Variants in OCA2 observed in about 807,000 individuals in gnomAD.
OCA2 encodes OCA2 melanosomal transmembrane protein.
In OCA2, 77 loss-of-function variants were observed where a neutral mutation model predicts 100.2. That is an observed-to-expected ratio of 0.77 (90% CI 0.64 to 0.93). The LOEUF (loss-of-function observed/expected upper bound fraction) is 0.93. Among genes scored for constraint, OCA2 ranks in the 40% least tolerant of loss-of-function variants. The probability of loss-of-function intolerance (pLI) is 0.00; values close to 1 mark genes in which losing one functional copy is unlikely to be tolerated. For synonymous variants in OCA2, 432 were observed against 439.2 expected (o/e 0.98, Z 0.21); for missense variants, 1,062 against 1,089.1 (o/e 0.98, Z 0.35).
intron 9 of OCA2, among the ~76,000 whole-genome samples, chr15:27,996,820 A>T (rs1001429512): frequency 1.3e-5 from 2 of 152,120 alleles, no homozygotes; most frequent in Admixed American, 6.5e-5. Flanking sequence ...CAACAAAGAA[A>T]GTCTCACCAA....
intron 23 of OCA2, among the ~76,000 whole-genome samples, chr15:27,840,120 AAAAC>A (rs1390233461): frequency 1.3e-5 from 2 of 152,144 alleles, no homozygotes; most frequent in Non-Finnish European, 2.9e-5. Flanking sequence ...TATGGCAAAT[AAAAC>A]AAACAAATAA....
intron 6 of OCA2, 100 bp downstream of exon 6, chr15:28,022,401 T>A: frequency 1.2e-6 from 1 of 849,962 alleles, no homozygotes. Flanking sequence ...TAATGGCCTG[T>A]GCCGTGGCCT....
rs747940630 is a variant in OCA2 at position 28,027,836 on chromosome 15, G to C, written c.515+35C>G. The C allele has an allele frequency of 7.5e-6, 12 of 1,606,696 alleles. No homozygotes were observed. The Admixed American group carries it at 1.7e-4, about 22-fold the overall frequency. On this transcript the variant is annotated intron_variant, in intron 4 of 23. Coordinates refer to ENST00000354638, the MANE Select transcript of OCA2 (RefSeq NM_000275.3). ...ATGTAGGACGCGATGTGCGGCCACC[G>C]CTGCTGCCAGGGTGGGCACCCCAAG...
chr15:27,899,257 A>T (rs560761032), intron 19 of OCA2, among the ~76,000 whole-genome samples: 65 of 152,304 alleles, frequency 4.3e-4, no homozygotes, highest in African/African-American at 1.5e-3. Context: ...CTGACCTCCA[A>T]AAATGTAAAA....
intron 19 of OCA2, among the ~76,000 whole-genome samples, chr15:27,880,067 T>C (rs1284371462): frequency 2.6e-5 from 4 of 152,250 alleles, no homozygotes; most frequent in African/African-American, 9.6e-5. Context: ...ATTTTCTGCA[T>C]GTGGCTGGCC....
At chr15:27,722,186 C>G in the OCA2 span, among the ~76,000 whole-genome samples, 47 of 152,314 alleles carry the variant, frequency 3.1e-4, no homozygotes, top group East Asian at 8.9e-3. Context: ...CTGTATCCGC[C>G]GTACTGGCCT....
At chr15:27,747,815 C>G in the OCA2 span, among the ~76,000 whole-genome samples, 1 of 152,160 alleles carries the variant, frequency 6.6e-6, no homozygotes, top group East Asian at 1.9e-4. Context: ...GAATTTTGAT[C>G]TGGAAAAGAT....
intron 17 of OCA2, 60 bp downstream of exon 17, chr15:27,955,098 T>C: frequency 8.5e-7 from 1 of 1,173,714 alleles, no homozygotes; most frequent in Non-Finnish European, 1.3e-6. Context: ...GGAAAAGGCA[T>C]CACTCACTCT....
At chr15:27,732,779 C>G in the OCA2 span, among the ~76,000 whole-genome samples, 3 of 152,170 alleles carry the variant, frequency 2.0e-5, no homozygotes, top group East Asian at 1.9e-4. Flanking sequence ...CATTTCTCCT[C>G]CCTCAGATGT....
chr15:27,859,319 A>G (rs1208553882), intron 21 of OCA2, among the ~76,000 whole-genome samples: 1 of 152,174 alleles, frequency 6.6e-6, no homozygotes, highest in Non-Finnish European at 1.5e-5. Context: ...AACGACTAAA[A>G]TCAAAAACTA....
At chr15:27,902,607 C>A (rs193213985) in intron 19 of OCA2, among the ~76,000 whole-genome samples, 13 of 152,238 alleles carry the variant, frequency 8.5e-5, no homozygotes, top group African/African-American at 3.1e-4. Context: ...TCCCAGGACA[C>A]GCAGGGGCCT....
chr15:27,895,714 TA>T, intron 19 of OCA2: 2 of 240,262 alleles, frequency 8.3e-6, no homozygotes, highest in Non-Finnish European at 1.7e-5. Context: ...ATGGGGTTTG[TA>T]AAGTTGTTAA....
At chr15:27,763,704 C>T (rs545714728) in intron 23 of OCA2, among the ~76,000 whole-genome samples, 1 of 152,252 alleles carries the variant, frequency 6.6e-6, no homozygotes, top group East Asian at 1.9e-4. Flanking sequence ...CAGGCACCCT[C>T]CTGGGAAGCA....
intron 23 of OCA2, among the ~76,000 whole-genome samples, chr15:27,804,190 C>T (rs2033730513): frequency 6.6e-6 from 1 of 152,134 alleles, no homozygotes; most frequent in South Asian, 2.1e-4. Flanking sequence ...CTGAAAAAAT[C>T]GCTAACAAAC....
In OCA2 at chr15:28,094,759, C is replaced by T. The variant is rs563666765; in HGVS notation, c.-22+4465G>A. The stretch of plus-strand genomic sequence containing the variant: ...CTCCTGCCGCCCCTGCTGCCAGCAC[C>T]GTTCTCTCCGAGGCCCTCAACGCCC... On this transcript the variant is annotated intron_variant, in intron 1 of 23. Transcript: ENST00000354638. Among the ~76,000 whole-genome samples, 147 of 152,314 alleles carry T rather than the reference C, an allele frequency of 9.7e-4. No individual in the cohort carries two copies. In the Middle Eastern group the frequency reaches 0.014, roughly 14 times the overall value.
At chr15:28,060,012 C>T (rs191932424) in intron 2 of OCA2, among the ~76,000 whole-genome samples, 3 of 152,332 alleles carry the variant, frequency 2.0e-5, no homozygotes, top group South Asian at 2.1e-4. Context: ...AGGCTGTGGG[C>T]GAGCACACGC....
intron 17 of OCA2, among the ~76,000 whole-genome samples, chr15:27,954,921 G>C (rs1487201885): frequency 6.6e-6 from 1 of 152,226 alleles, no homozygotes; most frequent in African/African-American, 2.4e-5. Context: ...GCAACGTGCA[G>C]GGACAGGGAA....
intron 9 of OCA2, among the ~76,000 whole-genome samples, chr15:27,994,247 G>A (rs1436156893): frequency 6.6e-6 from 1 of 152,040 alleles, no homozygotes; most frequent in Non-Finnish European, 1.5e-5. Context: ...CGCATGTGAG[G>A]GATCTAGGTT....
chr15:27,908,422 C>T (rs1045960127), intron 19 of OCA2, among the ~76,000 whole-genome samples: 7 of 152,024 alleles, frequency 4.6e-5, no homozygotes, highest in African/African-American at 9.7e-5. Flanking sequence ...ATATCTAATC[C>T]TAAAGCCAGT....
Sources: gnomAD v4.1 joint callset for allele counts (sites outside exome capture counted in the v4.1 genomes callset) on GRCh38, gnomAD v4.1.1 for gene constraint, MANE v1.5 for transcripts, NCBI Gene and HGNC (gene_info 2026-07-23, HGNC 2026-07-21) for gene names.